PFKFB2: variants seen among roughly 807,000 people sequenced by gnomAD.
PFKFB2 encodes the protein 6-phosphofructo-2-kinase/fructose-2,6-bisphosphatase 2.
PFKFB2 carries 53 observed loss-of-function variants against 68.0 expected under a neutral mutation model. The ratio of observed to expected loss-of-function variants is 0.78; its 90% CI spans 0.63 to 0.98. PFKFB2 has a LOEUF of 0.98. Among genes scored for constraint, PFKFB2 ranks in the 50% least tolerant of loss-of-function variants. The pLI is 0.00. For missense variants in PFKFB2, 451 were observed against 642.0 expected (o/e 0.70, Z 3.22); for synonymous variants, 222 against 227.6 (o/e 0.98, Z 0.22).
intron 2 of PFKFB2, chr1:207,047,473 T>C (rs747387931): frequency 1.3e-4 from 20 of 152,594 alleles, no homozygotes; most frequent in Non-Finnish European, 2.8e-4. Context: ...CTGAAAAAGA[T>C]CCAAGTGCTT....
intron 2 of PFKFB2, among the ~76,000 whole-genome samples, chr1:207,042,549 CAAAAAAAAAAAAA>C (rs57077682): frequency 0.075 from 3,357 of 44,856 alleles, 171 homozygotes; most frequent in African/African-American, 0.23. Flanking sequence ...CTCTGTCTCA[CAAAAAAAAAAAAA>C]AAAAAAAAAA....
At chr1:207,036,817 C>A (rs1372956783) in intron 1 of PFKFB2, among the ~76,000 whole-genome samples, 3 of 152,186 alleles carry the variant, frequency 2.0e-5, no homozygotes, top group African/African-American at 4.8e-5. Context: ...TCATTTTGAC[C>A]TTTCTCCTAA....
intron 2 of PFKFB2, chr1:207,047,407 C>T (rs992602446): frequency 6.6e-6 from 1 of 152,458 alleles, no homozygotes; most frequent in Non-Finnish European, 1.5e-5. Context: ...CCACCTTCAC[C>T]AAGTGAAAGT....
intron 2 of PFKFB2, 47 bp downstream of exon 2, chr1:207,054,849 C>T (rs1334526250): frequency 3.1e-6 from 4 of 1,293,208 alleles, no homozygotes; most frequent in Non-Finnish European, 4.5e-6. Context: ...AGCATTTTAT[C>T]TTGGGAATAT....
Position 207,076,495 on chromosome 1 carries a change from C to T in PFKFB2, c.*4124C>T. 2 of 985,332 alleles carry T rather than the reference C, an allele frequency of 2.0e-6. No homozygotes were observed. Among genetic ancestry groups the T allele is most frequent in the Non-Finnish European group, 2.4e-6 (2 of 829,872 alleles). The allele number at this position is 985,332 out of a possible 1,614,324, so 61.0% of individuals were successfully genotyped here. A position where few individuals can be genotyped will look rare whatever the true frequency, so the allele number is the denominator to read the frequency against. ...TTGACTTATTGAAAATATGTAACAACTGAGTCGGGTTGCAGCACTGGTGGG... is the reference window on the plus strand; with the variant it reads ...TTGACTTATTGAAAATATGTAACAATTGAGTCGGGTTGCAGCACTGGTGGG... On this transcript the variant is annotated 3_prime_UTR_variant, in exon 15 of 15. Transcript: ENST00000367080.
upstream of PFKFB2, chr1:207,051,214 G>A: frequency 1.7e-6 from 2 of 1,201,346 alleles, no homozygotes; most frequent in South Asian, 1.9e-5. Flanking sequence ...CGAGTGAGGT[G>A]CCCTCCGCGT....
At position 207,069,504 on chromosome 1, in the gene PFKFB2, T is replaced by C. The variant is rs1683402951; in HGVS notation, c.1068T>C (p.Tyr356=). The change falls in exon 11 of 15, where the codon TAT becomes TAC. Residue 356 remains tyrosine, a synonymous_variant. Coordinates refer to ENST00000367080, the MANE Select transcript of PFKFB2 (RefSeq NM_006212.2). The part of the protein sequence containing the change: ...EEFALRDQEK[Y]LYRYPGGESY... Reference sequence around the variant, plus strand: ...TTGCACTTCGAGATCAAGAGAAGTATCTGTATCGATATCCTGGTGGGGAGG... The same window carrying C: ...TTGCACTTCGAGATCAAGAGAAGTACCTGTATCGATATCCTGGTGGGGAGG... 1.9e-6 allele frequency: 3 copies of C among 1,612,582 alleles called. No homozygotes were observed. The highest frequency in any genetic ancestry group is 1.1e-5 in the South Asian group (1 of 91,050).
upstream of PFKFB2, among the ~76,000 whole-genome samples, chr1:207,051,978 G>C (rs1178047031): frequency 6.6e-6 from 1 of 152,196 alleles, no homozygotes; most frequent in Non-Finnish European, 1.5e-5. Flanking sequence ...TTGAACTTTT[G>C]GAAGAATTAG....
intron 2 of PFKFB2, chr1:207,046,764 A>G (rs1378747401): frequency 6.6e-6 from 1 of 152,122 alleles, no homozygotes; most frequent in African/African-American, 2.4e-5. Flanking sequence ...CCATTTGTTA[A>G]ATTTACCCAC....
intron 9 of PFKFB2, 98 bp from the exon 10 acceptor site, chr1:207,068,065 A>G (rs1683348037): frequency 3.6e-6 from 4 of 1,119,756 alleles, no homozygotes. Flanking sequence ...TTACAGACCA[A>G]GTTAGCAGGC....
At chr1:207,057,403 G>A (rs866089889) in intron 2 of PFKFB2, among the ~76,000 whole-genome samples, 5 of 149,850 alleles carry the variant, frequency 3.3e-5, no homozygotes, top group Admixed American at 6.6e-5. Context: ...GCTTGAACCC[G>A]GGAGGCGGAG....
chr1:207,042,920 G>A (rs1054743825), intron 2 of PFKFB2, among the ~76,000 whole-genome samples: 4 of 152,164 alleles, frequency 2.6e-5, no homozygotes, highest in African/African-American at 9.7e-5. Context: ...TGAATTGCAT[G>A]AGGCTAAGGA....
upstream of PFKFB2, chr1:207,052,284 C>T (rs769235036): frequency 2.6e-6 from 4 of 1,524,244 alleles, no homozygotes; most frequent in Non-Finnish European, 3.6e-6. Context: ...TGCAATTTTC[C>T]TCCTTGGTTC....
intron 8 of PFKFB2, among the ~76,000 whole-genome samples, chr1:207,066,882 G>C (rs1683303867): frequency 6.6e-6 from 1 of 152,140 alleles, no homozygotes; most frequent in East Asian, 1.9e-4. Context: ...TCAAACTCCT[G>C]ATCTCCTGAT....
chr1:207,066,540 A>C (rs1338726218), intron 8 of PFKFB2, among the ~76,000 whole-genome samples: 1 of 152,202 alleles, frequency 6.6e-6, no homozygotes, highest in African/African-American at 2.4e-5. Flanking sequence ...CATACAGAAG[A>C]TCTACATATA....
In PFKFB2 at chr1:207,063,408, A is replaced by G; in HGVS notation, c.437A>G (p.Gln146Arg). 1 of 1,612,884 alleles carries G rather than the reference A, an allele frequency of 6.2e-7. No homozygotes were observed. The highest frequency in any genetic ancestry group is 8.5e-7 in the Non-Finnish European group (1 of 1,178,984). Reference sequence around the variant, plus strand: ...GACATGATTTTGAACTTTGCTGAACAGAATTCCTTCAAGGTAGGATCTGAC... The same window carrying G: ...GACATGATTTTGAACTTTGCTGAACGGAATTCCTTCAAGGTAGGATCTGAC... ...RRDMILNFAE[Q>R]NSFKVFFVES... Residue 146 changes from glutamine (Q) to arginine (R), a missense_variant, in exon 6 of 15, where the codon CAG becomes CGG. Transcript: ENST00000367080. The surrounding 1 kb of genome is among the most constrained non-coding windows in gnomAD (Gnocchi z 4.1).
chr1:207,080,108 A>C (rs1325446462), downstream of PFKFB2: 3 of 151,986 alleles, frequency 2.0e-5, no homozygotes, highest in African/African-American at 7.3e-5. Context: ...AAATCAGATA[A>C]CTCTTCCCCA....
Position 207,076,519 on chromosome 1 carries a change from G to C in PFKFB2, c.*4148G>C, listed in dbSNP as rs1157128467. 1.0e-6 allele frequency: 1 copy of C among 985,146 alleles called. No homozygotes were observed. The highest frequency in any genetic ancestry group is 1.2e-6 in the Non-Finnish European group (1 of 829,820). 61.0% of individuals were successfully genotyped at this position (985,146 alleles called of 1,614,324 possible). A position where few individuals can be genotyped will look rare whatever the true frequency, so the allele number is the denominator to read the frequency against. Reference sequence around the variant, plus strand: ...ACTGAGTCGGGTTGCAGCACTGGTGGGGTAGAATCGACTTTCCCTGAAGGT... The same window carrying C: ...ACTGAGTCGGGTTGCAGCACTGGTGCGGTAGAATCGACTTTCCCTGAAGGT... On this transcript the variant is annotated 3_prime_UTR_variant, in exon 15 of 15. Coordinates refer to ENST00000367080, the MANE Select transcript of PFKFB2 (RefSeq NM_006212.2).
At chr1:207,068,095 A>AGCGTGTGT in intron 9 of PFKFB2, 68 bp from the exon 10 acceptor site, 1 of 1,093,576 alleles carries the variant, frequency 9.1e-7, no homozygotes, top group South Asian at 1.6e-5. Context: ...GTGTGTGTTG[A>AGCGTGTGT]GTGTGTGTGT....
Sources: allele counts gnomAD v4.1 joint callset (sites outside exome capture counted in the v4.1 genomes callset), GRCh38; gene constraint gnomAD v4.1.1; non-coding constraint Gnocchi (gnomAD v3.1); transcripts MANE v1.5; gene names NCBI Gene and HGNC (gene_info 2026-07-23, HGNC 2026-07-21).